The following FAM13A variants were observed in gnomAD, a reference collection of about 807,000 sequenced individuals.
FAM13A encodes family with sequence similarity 13 member A, also known as protein FAM13A.
In FAM13A, 76 loss-of-function variants were observed where a neutral mutation model predicts 129.6. That is an observed-to-expected ratio of 0.59 (90% confidence interval 0.49 to 0.71). The LOEUF (loss-of-function observed/expected upper bound fraction) is 0.71, where lower values mean the gene tolerates loss of function less well. Among genes scored for constraint, FAM13A ranks in the 30% least tolerant of loss-of-function variants. FAM13A has a pLI of 0.00. For synonymous variants in FAM13A, 443 were observed against 449.9 expected, an observed-to-expected ratio of 0.98 and a Z score of 0.20; for missense variants, 1,108 against 1,249.3, an observed-to-expected ratio of 0.89 and a Z score of 1.70.
At chr4:88,870,349 G>C (rs1741150132) in intron 6 of FAM13A, among the ~76,000 whole-genome samples, 1 of 152,242 alleles carries the variant, frequency 6.6e-6, no homozygotes, top group African/African-American at 2.4e-5. Context: ...CCCGGGAAGT[G>C]CAAGGGGTCA....
At position 88,728,598 on chromosome 4, in the gene FAM13A, T is replaced by G; in HGVS notation, c.3007A>C (p.Lys1003Gln). The G allele has an allele frequency of 6.2e-7, 1 of 1,614,206 alleles. No individual in the cohort carries two copies. The highest frequency in any genetic ancestry group is 8.5e-7 in the Non-Finnish European group (1 of 1,180,020). ...ACCTCCAGGAGCCTCAGTTTCGCCT[T>G]TATGTGCTTATATTCACTGTATTCT... ...AEEYSEYKHIKAKLRLLEVLI... is the reference protein window; with the variant it reads ...AEEYSEYKHIQAKLRLLEVLI... The change falls in exon 24 of 24, where the codon AAG becomes CAG. Residue 1003 changes from lysine to glutamine, a missense_variant. By Grantham distance (53) the Lys-to-Gln change is moderately conservative. Around this residue, in one of 3 missense-constraint regions of FAM13A, gnomAD observed 529 missense variants for 621.2 expected, o/e 0.85. Transcript: ENST00000264344.
intron 7 of FAM13A, among the ~76,000 whole-genome samples, chr4:88,814,130 T>A (rs532566089): frequency 3.9e-5 from 6 of 152,290 alleles, no homozygotes; most frequent in African/African-American, 1.4e-4. Flanking sequence ...GAGGAAGGAA[T>A]TACTAACCAG....
intron 23 of FAM13A, chr4:88,729,059 GT>G (rs529829067): frequency 0.073 from 5,740 of 78,414 alleles, 87 homozygotes; most frequent in Non-Finnish European, 0.1. Context: ...CCACAACTTA[GT>G]TTTTTTTTTT....
intron 19 of FAM13A, among the ~76,000 whole-genome samples, chr4:88,739,871 A>C (rs1223896756): frequency 6.6e-6 from 1 of 152,020 alleles, no homozygotes; most frequent in Non-Finnish European, 1.5e-5. Flanking sequence ...TAAGAAGAAG[A>C]TTCTGGCAAA....
At chr4:88,754,497 C>T (rs1390726877) in intron 14 of FAM13A, among the ~76,000 whole-genome samples, 2 of 152,106 alleles carry the variant, frequency 1.3e-5, no homozygotes, top group Non-Finnish European at 2.9e-5. Flanking sequence ...ATTAAGGGGG[C>T]CGATGTTTTC....
rs149814077 is a variant in FAM13A, at chr4:89,014,207, G to A, written c.427+6253C>T. On this transcript the variant is annotated intron_variant, in intron 3 of 23. Coordinates refer to ENST00000264344, the MANE Select transcript of FAM13A (RefSeq NM_014883.4). ...TGACAATAAACGATGCAGTAGGAAC[G>A]CACTCAGTAAGCCTACCGTATTTGC... 6.2e-3 allele frequency among the ~76,000 whole-genome samples: 944 copies of A among 152,290 alleles called. 11 individuals carry two copies. Among genetic ancestry groups the A allele is most frequent in the African/African-American group, 0.022 (896 of 41,570 alleles).
chr4:88,920,997 G>C (rs1750976654), intron 5 of FAM13A, among the ~76,000 whole-genome samples: 1 of 151,928 alleles, frequency 6.6e-6, no homozygotes, highest in Non-Finnish European at 1.5e-5. Flanking sequence ...GGGAAGTTTA[G>C]AGAAAAAAGA....
intron 4 of FAM13A, among the ~76,000 whole-genome samples, chr4:88,943,068 T>C (rs1049008089): frequency 6.6e-6 from 1 of 152,224 alleles, no homozygotes. Context: ...TCTACAATGA[T>C]ATAACTGCTT....
chr4:89,029,544 G>T lies in FAM13A; in HGVS notation c.133C>A (p.Leu45Ile). Residue 45 changes from leucine to isoleucine, a missense_variant, in exon 2 of 24, where the codon CTC becomes ATC. By Grantham distance (5) the Leu-to-Ile change is conservative. Transcript: ENST00000264344. ...FTYQKLFGVS[L>I]QELERQGLTE... Reference sequence around the variant, plus strand: ...AGCCCCTGCCGTTCAAGTTCTTGGAGACTGACTCCAAATAACTTCTGATAG... The same window carrying T: ...AGCCCCTGCCGTTCAAGTTCTTGGATACTGACTCCAAATAACTTCTGATAG... 1 of 1,596,296 alleles carries T rather than the reference G, an allele frequency of 6.3e-7. No homozygotes were observed. Among genetic ancestry groups the T allele is most frequent in the South Asian group, 1.1e-5 (1 of 88,044 alleles).
At chr4:88,832,586 C>A (rs1022036644) in intron 7 of FAM13A, among the ~76,000 whole-genome samples, 2 of 152,074 alleles carry the variant, frequency 1.3e-5, no homozygotes, top group Non-Finnish European at 2.9e-5. Flanking sequence ...TGAACAGACA[C>A]TACTCAAAAG....
chr4:88,760,153 T>C (rs1328705464), intron 13 of FAM13A, among the ~76,000 whole-genome samples: 1 of 152,244 alleles, frequency 6.6e-6, no homozygotes, highest in Non-Finnish European at 1.5e-5. Context: ...CTACTTTTAA[T>C]AGCCACCCAA....
intron 7 of FAM13A, chr4:88,822,900 A>G: frequency 1.3e-6 from 2 of 1,573,886 alleles, no homozygotes; most frequent in Non-Finnish European, 1.7e-6. Context: ...AAAGATGCCA[A>G]GTACTGGCAA....
At chr4:88,811,830 A>C (rs142005986) in intron 7 of FAM13A, among the ~76,000 whole-genome samples, 1 of 152,188 alleles carries the variant, frequency 6.6e-6, no homozygotes, top group African/African-American at 2.4e-5. Context: ...TATCCCTGCT[A>C]TAGTTTAAAT....
At chr4:88,977,025 T>C (rs1239819672) in intron 4 of FAM13A, among the ~76,000 whole-genome samples, 1 of 152,108 alleles carries the variant, frequency 6.6e-6, no homozygotes, top group African/African-American at 2.4e-5. Context: ...AATGACAAAA[T>C]CAGCTAACAA....
chr4:88,841,905 T>C (rs57208444), intron 7 of FAM13A, among the ~76,000 whole-genome samples: 10,659 of 152,232 alleles, frequency 0.07, 528 homozygotes, highest in African/African-American at 0.14. Context: ...CCTAGGCTTA[T>C]ACCCAAGAGA....
At chr4:88,783,259 G>T (rs1273069508) in intron 10 of FAM13A, among the ~76,000 whole-genome samples, 1 of 151,216 alleles carries the variant, frequency 6.6e-6, no homozygotes, top group African/African-American at 2.4e-5. Context: ...CCTAGCTTTT[G>T]GGGTATATGT....
At chr4:88,785,245 C>T (rs760755971) in intron 10 of FAM13A, among the ~76,000 whole-genome samples, 1 of 151,954 alleles carries the variant, frequency 6.6e-6, no homozygotes, top group Non-Finnish European at 1.5e-5. Flanking sequence ...ACTTTTTAAC[C>T]ACTTCATAAA....
chr4:88,981,157 C>T (rs1761617749), intron 4 of FAM13A, among the ~76,000 whole-genome samples: 1 of 80,812 alleles, frequency 1.2e-5, no homozygotes, highest in Non-Finnish European at 2.6e-5. Flanking sequence ...AGACGAAAGG[C>T]ACAAGACGCA....
At chr4:88,786,984 G>A (rs1352628087) in intron 10 of FAM13A, among the ~76,000 whole-genome samples, 2 of 151,804 alleles carry the variant, frequency 1.3e-5, no homozygotes, top group African/African-American at 2.4e-5. Context: ...CCATAAAGAG[G>A]CTAAAGGCCA....
Sources: gnomAD v4.1 joint callset for allele counts (sites outside exome capture counted in the v4.1 genomes callset) on GRCh38, gnomAD v4.1.1 for gene constraint, gnomAD v4.1.1 regional missense constraint, MANE v1.5 for transcripts, NCBI Gene and HGNC (gene_info 2026-07-23, HGNC 2026-07-21) for gene names.